KIT: variants seen among roughly 807,000 people sequenced by gnomAD.
KIT encodes the protein KIT proto-oncogene, receptor tyrosine kinase.
In KIT, 16 loss-of-function variants were observed where a neutral mutation model predicts 105.7. The ratio of observed to expected loss-of-function variants is 0.15; its 90% CI spans 0.10 to 0.23. The LOEUF (loss-of-function observed/expected upper bound fraction) is 0.23, where lower values mean the gene tolerates loss of function less well. Among genes scored for constraint, KIT ranks in the 10% least tolerant of loss-of-function variants. KIT has a pLI of 1.00. For synonymous variants in KIT, 438 were observed against 441.1 expected, an observed-to-expected ratio of 0.99 and a Z score of 0.09; for missense variants, 858 against 1,213.8, an observed-to-expected ratio of 0.71 and a Z score of 4.36.
chr4:54,700,480 C>T (rs1292209812), intron 4 of KIT, among the ~76,000 whole-genome samples: 3 of 152,094 alleles, frequency 2.0e-5, no homozygotes, highest in Non-Finnish European at 4.4e-5. Context: ...AAATTTTATC[C>T]CTACTAAAAG....
At chr4:54,670,669 G>A (rs1282240413) in intron 1 of KIT, among the ~76,000 whole-genome samples, 2 of 152,126 alleles carry the variant, frequency 1.3e-5, no homozygotes. Context: ...ACAGAAACCA[G>A]AATTCTTTTT....
At position 54,659,125 on chromosome 4, in the gene KIT, C is replaced by T. The variant is rs567836779; in HGVS notation, c.67+1044C>T. Among the ~76,000 whole-genome samples the T allele has an allele frequency of 3.9e-5, 6 of 152,178 alleles. No homozygotes were observed. In the South Asian group the frequency reaches 1.0e-3, roughly 26 times the overall value. ...AGATTCGTGACCGCCCGCCTCCCCG[C>T]CCCCGGGACTTCTATACTTCAGGGC... On this transcript the variant is annotated intron_variant, in intron 1 of 20. Transcript: ENST00000288135.
At chr4:54,658,821 C>T (rs544909141) in intron 1 of KIT, among the ~76,000 whole-genome samples, 9 of 152,316 alleles carry the variant, frequency 5.9e-5, no homozygotes, top group Admixed American at 5.2e-4. Flanking sequence ...GGAAAGCAGC[C>T]GCTAGGTTGC....
At position 54,707,189 on chromosome 4, in the gene KIT, A is replaced by G. The variant is rs1253593989; in HGVS notation, c.1017A>G (p.Ala339=). Residue 339 remains alanine, a synonymous_variant, in exon 6 of 21, where the codon GCA becomes GCG. Transcript: ENST00000288135. The part of the protein sequence containing the change: ...ENVDLIVEYE[A]FPKPEHQQWI... The stretch of plus-strand genomic sequence containing the variant: ...TAGATTTGATTGTTGAATATGAAGC[A>G]TTCCCCAAACCTGAACACCAGCAGT... 1.9e-6 allele frequency: 3 copies of G among 1,603,734 alleles called. No homozygotes were observed. Among genetic ancestry groups the G allele is most frequent in the Non-Finnish European group, 2.6e-6 (3 of 1,170,498 alleles).
intron 1 of KIT, among the ~76,000 whole-genome samples, chr4:54,666,557 C>T (rs1365283290): frequency 6.6e-6 from 1 of 152,236 alleles, no homozygotes; most frequent in East Asian, 1.9e-4. Context: ...GGATTACAGG[C>T]GTGAGCCACT....
chr4:54,720,153 G>C (rs1721773191), intron 7 of KIT, among the ~76,000 whole-genome samples: 1 of 151,972 alleles, frequency 6.6e-6, no homozygotes, highest in Non-Finnish European at 1.5e-5. Context: ...TACATTGCTG[G>C]GTTATACCCT....
chr4:54,690,287 C>T (rs958693070), intron 1 of KIT, among the ~76,000 whole-genome samples: 3 of 152,144 alleles, frequency 2.0e-5, no homozygotes, highest in African/African-American at 7.2e-5. Context: ...GGAGACATAG[C>T]AAGTACCTGA....
At chr4:54,718,867 A>G (rs1011681781) in intron 7 of KIT, among the ~76,000 whole-genome samples, 10 of 152,220 alleles carry the variant, frequency 6.6e-5, no homozygotes, top group Non-Finnish European at 1.2e-4. Context: ...CAAAATATCT[A>G]TCCTGGGAAT....
In KIT at chr4:54,686,468, G is replaced by A. The variant is rs547433625; in HGVS notation, c.68-9044G>A. Among the ~76,000 whole-genome samples, 6 of 152,252 alleles carry A rather than the reference G, an allele frequency of 3.9e-5. No individual in the cohort carries two copies. The South Asian group carries it at 1.0e-3, about 26-fold the overall frequency. ...AACTGGTTTCTCAGGCCTGGACATG[G>A]GAATATTACAATGAAAGGTAAGGAG... is the stretch of plus-strand genomic sequence containing the variant. On this transcript the variant is annotated intron_variant, in intron 1 of 20. Coordinates refer to ENST00000288135, the MANE Select transcript of KIT (RefSeq NM_000222.3).
At chr4:54,697,474 G>C (rs1349460967) in intron 2 of KIT, among the ~76,000 whole-genome samples, 1 of 152,088 alleles carries the variant, frequency 6.6e-6, no homozygotes, top group Non-Finnish European at 1.5e-5. Context: ...GGTTTGTCTG[G>C]CTTCTATGAG....
rs932201673 is a variant in KIT, at chr4:54,740,609, C to T, written c.*2052C>T. The stretch of plus-strand genomic sequence containing the variant: ...GTAACTTTATGTGTAAATACATAAG[C>T]GGCGTAAGTTTAAAGGATGTTGGTG... On this transcript the variant is annotated 3_prime_UTR_variant, in exon 21 of 21. Coordinates refer to ENST00000288135, the MANE Select transcript of KIT (RefSeq NM_000222.3). 6.9e-5 allele frequency: 16 copies of T among 232,526 alleles called. No homozygotes were observed. The highest frequency in any genetic ancestry group is 2.4e-4 in the East Asian group (4 of 16,402). 14.4% of individuals were successfully genotyped at this position (232,526 alleles called of 1,614,324 possible).
chr4:54,732,760 G>T (rs1722689088), intron 16 of KIT, among the ~76,000 whole-genome samples: 1 of 152,142 alleles, frequency 6.6e-6, no homozygotes. Flanking sequence ...CATGCAAAAT[G>T]AATTTTCAGT....
At chr4:54,709,252 A>G (rs1024959029) in intron 6 of KIT, among the ~76,000 whole-genome samples, 172 bp from the exon 7 acceptor site, 2 of 152,174 alleles carry the variant, frequency 1.3e-5, no homozygotes, top group African/African-American at 4.8e-5. Flanking sequence ...CAGATGGAAT[A>G]TGTGTGTGCG....
At chr4:54,698,634 G>A (rs763420798) in intron 3 of KIT, 69 bp downstream of exon 3, 13 of 1,519,962 alleles carry the variant, frequency 8.6e-6, no homozygotes, top group Non-Finnish European at 8.2e-6. Context: ...TTCTCTTCTC[G>A]TTGATCCACC....
At chr4:54,689,139 CA>C (rs1490377105) in intron 1 of KIT, among the ~76,000 whole-genome samples, 1 of 152,234 alleles carries the variant, frequency 6.6e-6, no homozygotes, top group Non-Finnish European at 1.5e-5. Context: ...TGTTTGCCCA[CA>C]TTTAATTCAA....
Position 54,731,425 on chromosome 4 carries a change from T to A in KIT, c.2233+6T>A, listed in dbSNP as rs1722591025. The A allele has an allele frequency of 6.3e-7, 1 of 1,588,150 alleles. No homozygotes were observed. The highest frequency in any genetic ancestry group is 8.6e-7 in the Non-Finnish European group (1 of 1,156,538). On this transcript the variant is annotated splice_donor_region_variant and intron_variant, in intron 15 of 20. Transcript: ENST00000288135. ...AAGGAGATCTGTGAGAATAGGTGAGTACCTACCTATCAAGCAACCAAGAGT... is the reference window on the plus strand; with the variant it reads ...AAGGAGATCTGTGAGAATAGGTGAGAACCTACCTATCAAGCAACCAAGAGT...
chr4:54,703,049 A>T (rs1455147598), intron 4 of KIT, among the ~76,000 whole-genome samples: 2 of 152,136 alleles, frequency 1.3e-5, no homozygotes, highest in Non-Finnish European at 2.9e-5. Flanking sequence ...AATACAAGAA[A>T]TCTCTCCATG....
chr4:54,702,373 G>T (rs56295037), intron 4 of KIT, among the ~76,000 whole-genome samples: 55,745 of 151,694 alleles, frequency 0.37, 11,921 homozygotes, highest in Non-Finnish European at 0.48. Context: ...TTACTAATTA[G>T]GTGTTTTACA....
rs759076549 is a variant in KIT, at chr4:54,737,268, G to C, written c.2790G>C (p.Glu930Asp). ...IVQLIEKQIS[E>D]STNHIYSNLA... ...AGCTAATTGAGAAGCAGATTTCAGA[G>C]AGCACCAATCATGTGAGTATACCCT... is the stretch of plus-strand genomic sequence containing the variant. Residue 930 changes from glutamate (E) to aspartate (D), a missense_variant, in exon 20 of 21, where the codon GAG becomes GAC. This residue lies in a region of KIT where 105 missense variants were observed against 103.5 expected (regional missense o/e 1.01). Coordinates refer to ENST00000288135, the MANE Select transcript of KIT (RefSeq NM_000222.3). The C allele has an allele frequency of 2.5e-6, 4 of 1,610,592 alleles. No homozygotes were observed. Among genetic ancestry groups the C allele is most frequent in the South Asian group, 1.1e-5 (1 of 91,004 alleles).
Sources: allele counts gnomAD v4.1 joint callset (sites outside exome capture counted in the v4.1 genomes callset), GRCh38; gene constraint gnomAD v4.1.1; regional missense constraint gnomAD v4.1.1; transcripts MANE v1.5; gene names NCBI Gene and HGNC (gene_info 2026-07-23, HGNC 2026-07-21).